ABLIM2: variants seen among roughly 807,000 people sequenced by gnomAD.
ABLIM2 encodes actin-binding LIM protein 2.
Under a neutral mutation model 97.7 loss-of-function variants are expected in ABLIM2, and 53 were observed. The observed-to-expected ratio is 0.54, with a 90% CI of 0.44 to 0.68. The LOEUF is 0.68. Among genes scored for constraint, ABLIM2 ranks in the 30% least tolerant of loss-of-function variants. The pLI, the probability that ABLIM2 is intolerant of heterozygous loss-of-function variation, is 0.00. For synonymous variants in ABLIM2, 361 were observed against 345.8 expected, an observed-to-expected ratio of 1.04 and a Z score of -0.49; for missense variants, 835 against 867.2, an observed-to-expected ratio of 0.96 and a Z score of 0.47.
intron 20 of ABLIM2, among the ~76,000 whole-genome samples, chr4:7,976,449 C>T (rs1480621462): frequency 6.6e-6 from 1 of 152,186 alleles, no homozygotes; most frequent in Non-Finnish European, 1.5e-5. Context: ...TTCAATTGCA[C>T]ACCTGGTCAT....
In ABLIM2 at chr4:7,986,884, T is replaced by A. The variant is rs1270139307; in HGVS notation, c.1681-1991A>T. 2.0e-5 allele frequency among the ~76,000 whole-genome samples: 3 copies of A among 152,224 alleles called. No homozygotes were observed. In the East Asian group the frequency reaches 5.8e-4, roughly 29 times the overall value. On this transcript the variant is annotated intron_variant, in intron 17 of 20. Transcript: ENST00000447017. This position sits in a 1 kb window ranked among gnomAD's most constrained non-coding sequence, Gnocchi z 4.3. ...GATGGGTTTCACATGTTGGCTAAGCTGGTCTCGAACTCCTGACCTCAGGTG... is the reference window on the plus strand; with the variant it reads ...GATGGGTTTCACATGTTGGCTAAGCAGGTCTCGAACTCCTGACCTCAGGTG...
chr4:8,120,864 G>A lies in ABLIM2; in HGVS notation c.11-14227C>T, dbSNP rs1159033108. Among the ~76,000 whole-genome samples the A allele has an allele frequency of 6.6e-6, 1 of 152,166 alleles. No homozygotes were observed. The highest frequency in any genetic ancestry group is 1.9e-4 in the East Asian group (1 of 5,194). ...CTACAGCTGGGCACACACATCTAACGCAAAGCCTGTTTTATAATACAATGT... is the reference window on the plus strand; with the variant it reads ...CTACAGCTGGGCACACACATCTAACACAAAGCCTGTTTTATAATACAATGT... On this transcript the variant is annotated intron_variant, in intron 1 of 20. Transcript: ENST00000447017. The surrounding 1 kb of genome is among the most constrained non-coding windows in gnomAD (Gnocchi z 5.6).
chr4:8,126,148 G>GT (rs1847801816), intron 1 of ABLIM2, among the ~76,000 whole-genome samples: 1 of 152,178 alleles, frequency 6.6e-6, no homozygotes, highest in Admixed American at 6.5e-5. Context: ...GAGTTTCAGA[G>GT]TGTGAGGCGC....
rs1758341607 is a variant in ABLIM2, at chr4:8,003,071, G to A, written c.1618+4988C>T. ...CTTTGTCTGTTTTGGCCTCTGCTCT[G>A]TCCCCAGCACCCAGGACAGCACCGG... On this transcript the variant is annotated intron_variant, in intron 16 of 20. Transcript: ENST00000447017. The surrounding 1 kb of genome is among the most constrained non-coding windows in gnomAD (Gnocchi z 4.2). 6.6e-6 allele frequency among the ~76,000 whole-genome samples: 1 copy of A among 152,140 alleles called. No homozygotes were observed. Among genetic ancestry groups the A allele is most frequent in the Non-Finnish European group, 1.5e-5 (1 of 68,036 alleles).
rs1812976576 is a variant in ABLIM2 at position 8,072,567 on chromosome 4, T to C, written c.675+5061A>G. On this transcript the variant is annotated intron_variant, in intron 6 of 20. Coordinates refer to ENST00000447017, the MANE Select transcript of ABLIM2 (RefSeq NM_001130083.2). This position sits in a 1 kb window ranked among gnomAD's most constrained non-coding sequence, Gnocchi z 5.8. The stretch of plus-strand genomic sequence containing the variant: ...GCCACCAGATGTTCCAACGTGGCTA[T>C]GCTATTAAGCCAAAAATGCAAACCT... Among the ~76,000 whole-genome samples the C allele has an allele frequency of 6.6e-6, 1 of 152,208 alleles. No homozygotes were observed. Among genetic ancestry groups the C allele is most frequent in the Admixed American group, 6.5e-5 (1 of 15,290 alleles).
Position 8,147,852 on chromosome 4 carries a change from G to A in ABLIM2, c.10+10828C>T, listed in dbSNP as rs1852081115. Among the ~76,000 whole-genome samples the A allele has an allele frequency of 6.6e-6, 1 of 152,236 alleles. No individual in the cohort carries two copies. Among genetic ancestry groups the A allele is most frequent in the Non-Finnish European group, 1.5e-5 (1 of 68,042 alleles). ...TGACCGCAGCCCCTAGACACTCACA[G>A]GTGGCCTTTGCCCAGCACTCTGGTT... On this transcript the variant is annotated intron_variant, in intron 1 of 20. Coordinates refer to ENST00000447017, the MANE Select transcript of ABLIM2 (RefSeq NM_001130083.2). The surrounding 1 kb of genome is among the most constrained non-coding windows in gnomAD (Gnocchi z 5.3).
At chr4:8,106,424 T>C in intron 2 of ABLIM2, 70 bp downstream of exon 2, 1 of 1,549,802 alleles carries the variant, frequency 6.5e-7, no homozygotes, top group South Asian at 1.2e-5. Flanking sequence ...CAGGAGGCTT[T>C]GCGGGCCCAG....
intron 17 of ABLIM2, among the ~76,000 whole-genome samples, chr4:7,989,072 C>CTTTTTTTTTT (rs71175445): frequency 3.2e-4 from 26 of 81,358 alleles, no homozygotes; most frequent in Non-Finnish European, 4.7e-4. Context: ...ACACATTAGT[C>CTTTTTTTTTT]TTTTTTTTTT....
rs2152283487 is a variant in ABLIM2 at position 8,068,140 on chromosome 4, G to A, written c.676-7086C>T. Among the ~76,000 whole-genome samples the A allele has an allele frequency of 6.6e-6, 1 of 152,300 alleles. No homozygotes were observed. Among genetic ancestry groups the A allele is most frequent in the Non-Finnish European group, 1.5e-5 (1 of 68,008 alleles). On this transcript the variant is annotated intron_variant, in intron 6 of 20. Coordinates refer to ENST00000447017, the MANE Select transcript of ABLIM2 (RefSeq NM_001130083.2). The surrounding 1 kb of genome is among the most constrained non-coding windows in gnomAD (Gnocchi z 4.5). ...CCCAATTGCCACCCGAGGAGTGCCT[G>A]AAACCTCGGCCGCTGGTTGTTCCAG... is the stretch of plus-strand genomic sequence containing the variant.
In ABLIM2 at chr4:8,071,489, C is replaced by T. The variant is rs1211420677; in HGVS notation, c.675+6139G>A. 2.6e-5 allele frequency among the ~76,000 whole-genome samples: 4 copies of T among 152,204 alleles called. No individual in the cohort carries two copies. The highest frequency in any genetic ancestry group is 4.1e-4 in the South Asian group (2 of 4,836). On this transcript the variant is annotated intron_variant, in intron 6 of 20. Transcript: ENST00000447017. The surrounding 1 kb of genome is among the most constrained non-coding windows in gnomAD (Gnocchi z 6.2). ...TTCGCGGGCAGGCGGGCACTGCGGG[C>T]GCCAGCACTTAGGATGGCACCATGC...
chr4:8,131,737 C>T (rs1424124040), intron 1 of ABLIM2, among the ~76,000 whole-genome samples: 56 of 99,360 alleles, frequency 5.6e-4, no homozygotes, highest in Admixed American at 8.4e-4. Flanking sequence ...AGCCCGCATC[C>T]CCAGCACAGC....
At position 8,068,311 on chromosome 4, in the gene ABLIM2, C is replaced by T. The variant is rs1809417945; in HGVS notation, c.676-7257G>A. On this transcript the variant is annotated intron_variant, in intron 6 of 20. Coordinates refer to ENST00000447017, the MANE Select transcript of ABLIM2 (RefSeq NM_001130083.2). This position sits in a 1 kb window ranked among gnomAD's most constrained non-coding sequence, Gnocchi z 4.5. ...ACATCTTGTGCCTTCTGAAGGGTGG[C>T]TGTCATCTTTAATAAGGCAGAACGA... Among the ~76,000 whole-genome samples the T allele has an allele frequency of 6.6e-6, 1 of 152,178 alleles. No homozygotes were observed. The highest frequency in any genetic ancestry group is 2.4e-5 in the African/African-American group (1 of 41,446).
chr4:8,129,002 C>T (rs753364716), intron 1 of ABLIM2, among the ~76,000 whole-genome samples: 15 of 147,316 alleles, frequency 1.0e-4, no homozygotes, highest in Non-Finnish European at 1.7e-4. Context: ...TGAGCTGCAC[C>T]GAGACCACAC....
intron 16 of ABLIM2, among the ~76,000 whole-genome samples, chr4:8,000,620 T>C (rs972897814): frequency 6.6e-6 from 1 of 152,054 alleles, no homozygotes; most frequent in Non-Finnish European, 1.5e-5. Context: ...TGCGGCTTTG[T>C]ATTCTGGGTA....
intron 6 of ABLIM2, among the ~76,000 whole-genome samples, chr4:8,066,360 G>GGAAGGAA (rs1807481559): frequency 3.9e-5 from 2 of 51,194 alleles, no homozygotes; most frequent in African/African-American, 7.2e-5. Context: ...GAGGGAGGGA[G>GGAAGGAA]GGAAGGAAGG....
intron 1 of ABLIM2, among the ~76,000 whole-genome samples, chr4:8,118,201 C>T (rs367710004): frequency 6.6e-6 from 1 of 152,196 alleles, no homozygotes; most frequent in Non-Finnish European, 1.5e-5. Context: ...ACAGCATGAG[C>T]TCAACACACG....
At chr4:8,010,950 G>A (rs1005615427) in intron 14 of ABLIM2, among the ~76,000 whole-genome samples, 1 of 152,262 alleles carries the variant, frequency 6.6e-6, no homozygotes. Context: ...CATTGTCCAA[G>A]CCAGAGAAGG....
rs976136085 is a variant in ABLIM2, at chr4:8,046,674, C to A, written c.823-1433G>T. Among the ~76,000 whole-genome samples, 2 of 152,212 alleles carry A rather than the reference C, an allele frequency of 1.3e-5. No individual in the cohort carries two copies. ...GCAGCGGTGCCTGCAGCCCAGGAGG[C>A]ACCACAGTGGATGGGCTGATCTGTG... is the stretch of plus-strand genomic sequence containing the variant. On this transcript the variant is annotated intron_variant, in intron 8 of 20. Transcript: ENST00000447017. The surrounding 1 kb of genome is among the most constrained non-coding windows in gnomAD (Gnocchi z 4.4).
intron 17 of ABLIM2, among the ~76,000 whole-genome samples, chr4:7,990,524 T>C (rs1301521476): frequency 6.6e-6 from 1 of 152,174 alleles, no homozygotes; most frequent in Non-Finnish European, 1.5e-5. Context: ...TTTGTTTTGA[T>C]GTAATTTTCT....
Sources: gnomAD v4.1 joint callset for allele counts (sites outside exome capture counted in the v4.1 genomes callset) on GRCh38, gnomAD v4.1.1 for gene constraint, Gnocchi (gnomAD v3.1) non-coding constraint, MANE v1.5 for transcripts, NCBI Gene and HGNC (gene_info 2026-07-23, HGNC 2026-07-21) for gene names.